LRRC49: variants seen among roughly 807,000 people sequenced by gnomAD.
The protein encoded by LRRC49 is leucine rich repeat containing 49.
LRRC49 carries 50 observed loss-of-function variants against 83.3 expected under a neutral mutation model. The observed-to-expected ratio is 0.60, with a 90% CI of 0.48 to 0.76. LRRC49 has a LOEUF of 0.76. LRRC49 is among the 30% of genes least tolerant of loss of function. The pLI is 0.00. For synonymous variants in LRRC49, 286 were observed against 283.3 expected, an observed-to-expected ratio of 1.01 and a Z score of -0.10; for missense variants, 704 against 809.1, an observed-to-expected ratio of 0.87 and a Z score of 1.58.
At chr15:70,858,851 G>A (rs2032715648) in intron 1 of LRRC49, 2 of 769,948 alleles carry the variant, frequency 2.6e-6, no homozygotes, top group Non-Finnish European at 4.7e-6. Context: ...AGCAGCTTCT[G>A]GGGTGGCCTG....
intron 14 of LRRC49, among the ~76,000 whole-genome samples, chr15:71,025,315 C>G (rs2039129419): frequency 6.6e-6 from 1 of 152,120 alleles, no homozygotes; most frequent in Admixed American, 6.5e-5. Context: ...CAGTCACCTA[C>G]AAAGGGAAGC....
intron 14 of LRRC49, among the ~76,000 whole-genome samples, chr15:71,019,438 A>G (rs1350278119): frequency 6.6e-6 from 1 of 152,258 alleles, no homozygotes; most frequent in Admixed American, 6.5e-5. Flanking sequence ...ATATTTTATC[A>G]TATCACAGAG....
chr15:70,872,522 G>C (rs2033071156), intron 1 of LRRC49, among the ~76,000 whole-genome samples: 1 of 152,158 alleles, frequency 6.6e-6, no homozygotes, highest in Admixed American at 6.5e-5. Context: ...GATGAGCCTA[G>C]GGAATAAGTG....
Position 71,012,857 on chromosome 15 carries a change from T to G in LRRC49, c.1647T>G (p.His549Gln), listed in dbSNP as rs753021604. The G allele has an allele frequency of 6.2e-7, 1 of 1,613,404 alleles. No individual in the cohort carries two copies. The highest frequency in any genetic ancestry group is 8.5e-7 in the Non-Finnish European group (1 of 1,179,504). The change falls in exon 14 of 16, where the codon CAT becomes CAG. Residue 549 changes from histidine (H) to glutamine (Q), a missense_variant. This residue lies in a region of LRRC49 where 275 missense variants were observed against 338.0 expected (regional missense o/e 0.81). Coordinates refer to ENST00000260382, the MANE Select transcript of LRRC49 (RefSeq NM_017691.5). ...MAERLFGILA[H>Q]VASSELPQYR... The stretch of plus-strand genomic sequence containing the variant: ...AAAGGCTCTTTGGAATCCTAGCACA[T>G]GTAGCATCTTCTGAGTTACCCCAGT...
chr15:70,917,741 C>T (rs947563390), intron 6 of LRRC49, among the ~76,000 whole-genome samples: 1 of 152,178 alleles, frequency 6.6e-6, no homozygotes, highest in Non-Finnish European at 1.5e-5. Flanking sequence ...TTCCTCTGAG[C>T]TGTTCTATCA....
intron 9 of LRRC49, among the ~76,000 whole-genome samples, chr15:70,970,297 T>C (rs2036947447): frequency 6.6e-6 from 1 of 152,210 alleles, no homozygotes; most frequent in Non-Finnish European, 1.5e-5. Flanking sequence ...TTTGAGTATG[T>C]TGAACCAGCC....
At chr15:71,044,120 G>A (rs528162704) in intron 15 of LRRC49, among the ~76,000 whole-genome samples, 27 of 152,274 alleles carry the variant, frequency 1.8e-4, no homozygotes, top group African/African-American at 6.3e-4. Flanking sequence ...TACTGAGTGC[G>A]AAAAGGGAGC....
chr15:70,895,849 G>A lies in LRRC49; in HGVS notation c.106G>A (p.Val36Ile). The A allele has an allele frequency of 6.3e-7, 1 of 1,595,208 alleles. No homozygotes were observed. Among genetic ancestry groups the A allele is most frequent in the Non-Finnish European group, 8.5e-7 (1 of 1,170,172 alleles). ...TTTTTTCTTTAATAATGTTTTTCAG[G>A]TTGAATTCAAGCTAAATAAAGACAC... ...QTSSLPEKNK[V>I]EFKLNKDTSS... is the part of the protein sequence containing the mutation. The change falls in exon 3 of 16, where the codon GTT (valine) becomes ATT (isoleucine). Residue 36 changes from valine (V) to isoleucine (I), a missense_variant and splice_region_variant. Transcript: ENST00000260382.
At chr15:70,952,491 C>T (rs927099665) in intron 8 of LRRC49, among the ~76,000 whole-genome samples, 2 of 151,774 alleles carry the variant, frequency 1.3e-5, no homozygotes, top group Non-Finnish European at 2.9e-5. Context: ...TGCTGTTGTC[C>T]AAGTGTGTGG....
chr15:71,039,329 A>G (rs1482677386), intron 15 of LRRC49, among the ~76,000 whole-genome samples: 1 of 152,198 alleles, frequency 6.6e-6, no homozygotes, highest in Non-Finnish European at 1.5e-5. Context: ...GTGTTGCCAA[A>G]AGAAGAAAAT....
chr15:70,976,006 G>A (rs924381208), intron 9 of LRRC49, among the ~76,000 whole-genome samples: 38 of 152,266 alleles, frequency 2.5e-4, no homozygotes, highest in East Asian at 1.2e-3. Flanking sequence ...TAGTCACTGC[G>A]GAAGCCTATA....
At chr15:70,881,182 T>C (rs1025983877) in intron 2 of LRRC49, among the ~76,000 whole-genome samples, 2 of 152,200 alleles carry the variant, frequency 1.3e-5, no homozygotes, top group African/African-American at 2.4e-5. Context: ...TGAGCTATGA[T>C]TGCAGCACTA....
At chr15:70,854,865 C>T (rs1170023586) in intron 1 of LRRC49, among the ~76,000 whole-genome samples, 1 of 152,156 alleles carries the variant, frequency 6.6e-6, no homozygotes, top group Non-Finnish European at 1.5e-5. Flanking sequence ...AGCCGATGGC[C>T]TATAGAGTAT....
intron 14 of LRRC49, 70 bp downstream of exon 14, chr15:71,012,983 C>T: frequency 1.1e-6 from 1 of 933,084 alleles, no homozygotes; most frequent in Non-Finnish European, 1.7e-6. Context: ...ATTCCACATA[C>T]CTCCTAACTA....
intron 2 of LRRC49, chr15:70,882,258 A>G: frequency 2.0e-6 from 1 of 501,086 alleles, no homozygotes; most frequent in Non-Finnish European, 3.5e-6. Flanking sequence ...AAAGTAGAGA[A>G]TAGGGATGTT....
chr15:70,891,026 G>C (rs1036173447), upstream of LRRC49, among the ~76,000 whole-genome samples: 8 of 152,220 alleles, frequency 5.3e-5, no homozygotes, highest in African/African-American at 1.9e-4. Flanking sequence ...TAGTACTGCA[G>C]AAAGAGTGTT....
intron 8 of LRRC49, among the ~76,000 whole-genome samples, chr15:70,962,390 A>G (rs2036632720): frequency 6.6e-6 from 1 of 152,168 alleles, no homozygotes; most frequent in African/African-American, 2.4e-5. Flanking sequence ...CTGTACACAC[A>G]TATATTTTCT....
chr15:71,013,563 T>G (rs1041817362), intron 14 of LRRC49, among the ~76,000 whole-genome samples: 3 of 152,076 alleles, frequency 2.0e-5, no homozygotes, highest in Non-Finnish European at 4.4e-5. Flanking sequence ...CAGGAGAGAT[T>G]ATGAGGGCCT....
chr15:70,988,524 G>C (rs1279901507), intron 11 of LRRC49, among the ~76,000 whole-genome samples: 1 of 152,112 alleles, frequency 6.6e-6, no homozygotes, highest in Non-Finnish European at 1.5e-5. Flanking sequence ...TTGAGCCTAT[G>C]TGTGTCTCTG....
Sources: allele counts gnomAD v4.1 joint callset (sites outside exome capture counted in the v4.1 genomes callset), GRCh38; gene constraint gnomAD v4.1.1; regional missense constraint gnomAD v4.1.1; transcripts MANE v1.5; gene names NCBI Gene and HGNC (gene_info 2026-07-23, HGNC 2026-07-21).